Variants in SHQ1 observed in about 807,000 individuals in gnomAD.
SHQ1 encodes protein SHQ1 homolog.
Under a neutral mutation model 53.8 loss-of-function variants are expected in SHQ1, and 49 were observed. That is an observed-to-expected ratio of 0.91 (90% confidence interval 0.72 to 1.16). SHQ1 has a LOEUF of 1.16. SHQ1 is among the 50% of genes most tolerant of loss of function. SHQ1 has a pLI of 0.00. For synonymous variants in SHQ1, 243 were observed against 251.0 expected (o/e 0.97, Z 0.30); for missense variants, 738 against 683.1 (o/e 1.08, Z -0.90).
At chr3:72,786,119 T>C (rs1706224614) in intron 10 of SHQ1, among the ~76,000 whole-genome samples, 1 of 152,172 alleles carries the variant, frequency 6.6e-6, no homozygotes, top group Admixed American at 6.5e-5. Flanking sequence ...TCCAATCAAT[T>C]ACTAAGTCTG....
rs181656535 is a variant in SHQ1, at chr3:72,817,321, T to A, written c.791A>T (p.Asp264Val). 6.2e-7 allele frequency: 1 copy of A among 1,613,852 alleles called. No individual in the cohort carries two copies. Among genetic ancestry groups the A allele is most frequent in the East Asian group, 2.2e-5 (1 of 44,882 alleles). The change falls in exon 7 of 11, where the codon GAC (aspartate) becomes GTC (valine). Residue 264 changes from aspartate to valine, a missense_variant. Transcript: ENST00000325599. ...RKFVNKSYLL[D>V]KRACRQVCYS... ...GCACACTTGACGACAGGCTCTCTTG[T>A]CCAGCAGATAAGATTTATTGACAAA... is the stretch of plus-strand genomic sequence containing the variant.
chr3:72,787,679 C>A (rs1394749899), intron 10 of SHQ1, among the ~76,000 whole-genome samples: 1 of 152,176 alleles, frequency 6.6e-6, no homozygotes, highest in African/African-American at 2.4e-5. Flanking sequence ...ATTGCTTCCA[C>A]TGGTTTAAAA....
chr3:72,814,176 A>G (rs900355469), intron 8 of SHQ1, among the ~76,000 whole-genome samples: 1 of 152,236 alleles, frequency 6.6e-6, no homozygotes, highest in Admixed American at 6.5e-5. Context: ...TTAGGAACTT[A>G]AAAATCATAA....
At chr3:72,764,136 T>G (rs765752001) in intron 10 of SHQ1, among the ~76,000 whole-genome samples, 15 of 151,982 alleles carry the variant, frequency 9.9e-5, no homozygotes, top group Non-Finnish European at 2.1e-4. Flanking sequence ...ATGCTATGCT[T>G]TTACACTATG....
At chr3:72,827,699 T>G (rs1297879394) in intron 5 of SHQ1, among the ~76,000 whole-genome samples, 1 of 152,068 alleles carries the variant, frequency 6.6e-6, no homozygotes, top group Non-Finnish European at 1.5e-5. Context: ...TCATAATAAA[T>G]TACTTTCAAG....
chr3:72,728,341 C>G, the SHQ1 span, among the ~76,000 whole-genome samples: 1 of 152,170 alleles, frequency 6.6e-6, no homozygotes, highest in Non-Finnish European at 1.5e-5. Flanking sequence ...ATTCCCACAC[C>G]ACGTACCAAC....
chr3:72,742,417 T>G, the SHQ1 span, among the ~76,000 whole-genome samples: 1 of 152,000 alleles, frequency 6.6e-6, no homozygotes, highest in Non-Finnish European at 1.5e-5. Context: ...ATGAGTGTTA[T>G]ATTTCAGGAG....
At chr3:72,792,258 T>C (rs1706461501) in intron 10 of SHQ1, among the ~76,000 whole-genome samples, 1 of 152,232 alleles carries the variant, frequency 6.6e-6, no homozygotes, top group South Asian at 2.1e-4. Context: ...GAAATACAGA[T>C]ACAAGTTCAG....
At chr3:72,806,795 A>G (rs1472366869) in intron 9 of SHQ1, among the ~76,000 whole-genome samples, 1 of 152,124 alleles carries the variant, frequency 6.6e-6, no homozygotes, top group Non-Finnish European at 1.5e-5. Flanking sequence ...CCTCTATGAA[A>G]ATTTCCCTGA....
chr3:72,732,033 C>A, the SHQ1 span, among the ~76,000 whole-genome samples: 1 of 151,656 alleles, frequency 6.6e-6, no homozygotes. Context: ...GGCCATTAGC[C>A]ACAGGTCACC....
intron 9 of SHQ1, among the ~76,000 whole-genome samples, chr3:72,804,932 G>A (rs1003572464): frequency 1.3e-5 from 2 of 152,174 alleles, no homozygotes; most frequent in African/African-American, 4.8e-5. Context: ...GATATGTTCT[G>A]AGAAATGCGT....
chr3:72,775,327 G>C (rs1470801707), intron 10 of SHQ1, among the ~76,000 whole-genome samples: 1 of 151,838 alleles, frequency 6.6e-6, no homozygotes, highest in African/African-American at 2.4e-5. Flanking sequence ...AGAAGAAATG[G>C]ACAAAGTTTT....
At chr3:72,765,149 A>G (rs1289087441) in intron 10 of SHQ1, among the ~76,000 whole-genome samples, 2 of 152,226 alleles carry the variant, frequency 1.3e-5, no homozygotes, top group Admixed American at 1.3e-4. Flanking sequence ...GCCCAGACTC[A>G]GAAACATTTT....
At chr3:72,827,818 A>G (rs528558185) in intron 5 of SHQ1, among the ~76,000 whole-genome samples, 3 of 144,504 alleles carry the variant, frequency 2.1e-5, no homozygotes, top group Admixed American at 7.1e-5. Context: ...GCAGTGGCGC[A>G]ATCTCGGCTC....
At chr3:72,791,996 T>G (rs1575696350) in intron 10 of SHQ1, among the ~76,000 whole-genome samples, 2 of 152,382 alleles carry the variant, frequency 1.3e-5, no homozygotes, top group East Asian at 3.9e-4. Context: ...TTTCTTTGAT[T>G]GACGCAATGG....
intron 9 of SHQ1, among the ~76,000 whole-genome samples, chr3:72,798,425 G>T (rs560003629): frequency 9.9e-5 from 15 of 152,204 alleles, no homozygotes; most frequent in Non-Finnish European, 2.2e-4. Context: ...CAAGTGCCAT[G>T]AATGTTTTAC....
Position 72,841,064 on chromosome 3 carries a change from C to A in SHQ1, c.467G>T (p.Gly156Val), listed in dbSNP as rs755200026. ...CHYGFGNLRS[G>V]VLQRLQDELS... ...ACATACCTGTAACCGTTGCAACACT[C>A]CTGATCGTAAGTTTCCAAATCCATA... Residue 156 changes from glycine (G) to valine (V), a missense_variant, in exon 4 of 11, where the codon GGA (glycine) becomes GTA (valine). Coordinates refer to ENST00000325599, the MANE Select transcript of SHQ1 (RefSeq NM_018130.3). 7 of 1,613,476 alleles carry A rather than the reference C, an allele frequency of 4.3e-6. No homozygotes were observed. Among genetic ancestry groups the A allele is most frequent in the Non-Finnish European group, 5.9e-6 (7 of 1,179,872 alleles).
At chr3:72,776,137 A>G (rs774731392) in intron 10 of SHQ1, among the ~76,000 whole-genome samples, 5 of 152,236 alleles carry the variant, frequency 3.3e-5, no homozygotes, top group Non-Finnish European at 5.9e-5. Context: ...GACAGAAATG[A>G]TACATAAGAG....
intron 6 of SHQ1, among the ~76,000 whole-genome samples, chr3:72,820,136 A>T (rs1001231433): frequency 6.6e-6 from 1 of 152,042 alleles, no homozygotes; most frequent in African/African-American, 2.4e-5. Flanking sequence ...CAACATGTCA[A>T]CTCTCTACAT....
Sources: gnomAD v4.1 joint callset for allele counts (sites outside exome capture counted in the v4.1 genomes callset) on GRCh38, gnomAD v4.1.1 for gene constraint, MANE v1.5 for transcripts, NCBI Gene and HGNC (gene_info 2026-07-23, HGNC 2026-07-21) for gene names.